Variants in FANCM observed in about 807,000 individuals in gnomAD.
The protein encoded by FANCM is Fanconi anemia group M protein.
In FANCM, 140 loss-of-function variants were observed where a neutral mutation model predicts 199.5. The ratio of observed to expected loss-of-function variants is 0.70; its 90% CI spans 0.61 to 0.81. FANCM has a LOEUF of 0.81. FANCM is among the 30% of genes least tolerant of loss of function. The probability of loss-of-function intolerance (pLI) is 0.00; values close to 1 mark genes in which losing one functional copy is unlikely to be tolerated. For missense variants in FANCM, 2,410 were observed against 2,421.4 expected (o/e 1.00, Z 0.10); for synonymous variants, 840 against 836.8 (o/e 1.00, Z -0.07).
chr14:45,173,147 C>A lies in FANCM; in HGVS notation c.2253C>A (p.His751Gln). The A allele has an allele frequency of 6.2e-7, 1 of 1,613,368 alleles. No homozygotes were observed. Among genetic ancestry groups the A allele is most frequent in the Non-Finnish European group, 8.5e-7 (1 of 1,179,384 alleles). Residue 751 changes from histidine (H) to glutamine (Q), a missense_variant, in exon 13 of 23, where the codon CAC (histidine) becomes CAA (glutamine). By Grantham distance (24) the His-to-Gln change is conservative. Transcript: ENST00000267430. ...CTTTGCCTACACATCAAGTTGATCA[C>A]TCAGATCGATGCCGCCATTTTATAG... The part of the protein sequence containing the change: ...DHPLPTHQVD[H>Q]SDRCRHFIGL...
At chr14:45,184,414 C>A (rs1478763904) in intron 17 of FANCM, among the ~76,000 whole-genome samples, 8 of 152,134 alleles carry the variant, frequency 5.3e-5, no homozygotes, top group Admixed American at 5.2e-4. Context: ...GTAATCCCAG[C>A]ACTTTGGGAG....
chr14:45,181,655 G>T lies in FANCM; in HGVS notation c.4336G>T (p.Val1446Phe), dbSNP rs753432761. The T allele has an allele frequency of 6.2e-7, 1 of 1,611,544 alleles. No homozygotes were observed. The highest frequency in any genetic ancestry group is 1.3e-5 in the African/African-American group (1 of 74,842). The change falls in exon 16 of 23, where the codon GTT (valine) becomes TTT (phenylalanine). Residue 1446 changes from valine (V) to phenylalanine (F), a missense_variant. Transcript: ENST00000267430. ...ACTTTAGGATCAGAAAAATAGTGAA[G>T]TTGATTCTCCACTTCATGCTGTCAA... is the stretch of plus-strand genomic sequence containing the variant. ...NSPEDQKNSE[V>F]DSPLHAVKKR...
At chr14:45,160,847 A>G (rs1480479252) in intron 9 of FANCM, among the ~76,000 whole-genome samples, 1 of 152,104 alleles carries the variant, frequency 6.6e-6, no homozygotes, top group Non-Finnish European at 1.5e-5. Flanking sequence ...TATTCTTTAA[A>G]TACCTTTTAT....
Position 45,175,454 on chromosome 14 carries a change from A to C in FANCM, c.2700A>C (p.Thr900=). The C allele has an allele frequency of 6.2e-7, 1 of 1,606,294 alleles. No homozygotes were observed. The highest frequency in any genetic ancestry group is 8.5e-7 in the Non-Finnish European group (1 of 1,176,390). Residue 900 remains threonine, a synonymous_variant, in exon 14 of 23, where the codon ACA becomes ACC. Transcript: ENST00000267430. ...AAGACCTACCAAATGATAAAAGGAC[A>C]TCAGATACAGATGAAATTGCTGCCA... ...FQEDLPNDKR[T]SDTDEIAATC... is the part of the protein sequence containing the mutation.
chr14:45,142,305 T>C (rs891043151), intron 3 of FANCM, among the ~76,000 whole-genome samples: 1 of 151,390 alleles, frequency 6.6e-6, no homozygotes, highest in Non-Finnish European at 1.5e-5. Context: ...GTTCCTCTTT[T>C]TTCTTTTTTT....
intron 3 of FANCM, among the ~76,000 whole-genome samples, chr14:45,143,365 C>T (rs1438722956): frequency 6.6e-6 from 1 of 151,930 alleles, no homozygotes; most frequent in Non-Finnish European, 1.5e-5. Flanking sequence ...CAGGGTCTCC[C>T]ATTGTTGCCC....
intron 18 of FANCM, among the ~76,000 whole-genome samples, chr14:45,186,565 GAA>G (rs895748335): frequency 2.0e-4 from 31 of 152,260 alleles, no homozygotes; most frequent in Non-Finnish European, 3.7e-4. Context: ...TGACTTTTAA[GAA>G]AAAAGTGTTT....
intron 3 of FANCM, among the ~76,000 whole-genome samples, chr14:45,144,745 C>G (rs937316053): frequency 1.3e-5 from 2 of 152,182 alleles, no homozygotes; most frequent in African/African-American, 4.8e-5. Context: ...AAGTGGGTTC[C>G]CCTCTGGCCT....
chr14:45,178,636 T>C (rs1888863733), intron 14 of FANCM, among the ~76,000 whole-genome samples: 1 of 152,218 alleles, frequency 6.6e-6, no homozygotes, highest in African/African-American at 2.4e-5. Context: ...CATTTAACTT[T>C]GGCTTCCTTA....
In FANCM at chr14:45,175,588, G is replaced by A. The variant is rs1193165722; in HGVS notation, c.2834G>A (p.Gly945Asp). 13 of 1,613,414 alleles carry A rather than the reference G, an allele frequency of 8.1e-6. No homozygotes were observed. Among genetic ancestry groups the A allele is most frequent in the South Asian group, 1.1e-5 (1 of 91,068 alleles). The change falls in exon 14 of 23, where the codon GGT becomes GAT. Residue 945 changes from glycine (G) to aspartate (D), a missense_variant. Gly to Asp is a moderately conservative substitution (Grantham distance 94). Coordinates refer to ENST00000267430, the MANE Select transcript of FANCM (RefSeq NM_020937.4). ...SSLAGNVLDS[G>D]YNSFNDEKSV... ...CTTGCTGGAAATGTTTTAGATTCTG[G>A]TTATAACAGTTTCAATGATGAAAAA... is the stretch of plus-strand genomic sequence containing the variant.
At chr14:45,142,905 G>T (rs956047602) in intron 3 of FANCM, among the ~76,000 whole-genome samples, 2 of 152,000 alleles carry the variant, frequency 1.3e-5, no homozygotes, top group Non-Finnish European at 2.9e-5. Flanking sequence ...ATTAATAACT[G>T]TCTTGTGGGG....
Position 45,158,182 on chromosome 14 carries a change from A to G in FANCM, c.1397-914A>G, listed in dbSNP as rs138038374. On this transcript the variant is annotated intron_variant, in intron 8 of 22. Coordinates refer to ENST00000267430, the MANE Select transcript of FANCM (RefSeq NM_020937.4). ...CACTGCATTCCAGCCTAGGTGACCA[A>G]ACATGACCCTGTCTCAAAAATAAAA... 5.0e-3 allele frequency among the ~76,000 whole-genome samples: 764 copies of G among 152,340 alleles called. 4 individuals are homozygous for G. The highest frequency in any genetic ancestry group is 8.6e-3 in the Non-Finnish European group (586 of 68,032).
Position 45,198,816 on chromosome 14 carries a change from A to G in FANCM, c.5889A>G (p.Thr1963=), listed in dbSNP as rs190238227. 7.4e-6 allele frequency: 12 copies of G among 1,613,948 alleles called. No individual in the cohort carries two copies. In the African/African-American group the frequency reaches 1.5e-4, roughly 20 times the overall value. Residue 1963 remains threonine, a synonymous_variant, in exon 22 of 23, where the codon ACA becomes ACG. Coordinates refer to ENST00000267430, the MANE Select transcript of FANCM (RefSeq NM_020937.4). ...QRKNVGIHVP[T]VVNSNKSEAL... is the part of the protein sequence containing the mutation. ...AGAATGTTGGTATTCATGTTCCAAC[A>G]GTGGTGAATAGTAATAAAAGTGAGG... is the stretch of plus-strand genomic sequence containing the variant.
Position 45,154,681 on chromosome 14 carries a change from T to G in FANCM, c.1184-16T>G, listed in dbSNP as rs1355960500. 6.5e-7 allele frequency: 1 copy of G among 1,541,026 alleles called. No individual in the cohort carries two copies. Among genetic ancestry groups the G allele is most frequent in the African/African-American group, 1.4e-5 (1 of 73,646 alleles). On this transcript the variant is annotated splice_polypyrimidine_tract_variant and intron_variant, in intron 6 of 22. Transcript: ENST00000267430. Reference sequence around the variant, plus strand: ...TTATTATTATTTATTTGAAAACCTTTTCTTAATTTCTGAAGGGATGACACG... The same window carrying G: ...TTATTATTATTTATTTGAAAACCTTGTCTTAATTTCTGAAGGGATGACACG...
In FANCM at chr14:45,196,558, T is replaced by C. The variant is rs1200505457; in HGVS notation, c.5716+11T>C. ...ACAGAGAAAAAACAGGTTTGTATTT[T>C]TAAATATCTTTGTTTATAAGACTGT... is the stretch of plus-strand genomic sequence containing the variant. On this transcript the variant is annotated intron_variant, in intron 21 of 22. Coordinates refer to ENST00000267430, the MANE Select transcript of FANCM (RefSeq NM_020937.4). 8 of 1,610,974 alleles carry C rather than the reference T, an allele frequency of 5.0e-6. No homozygotes were observed. The highest frequency in any genetic ancestry group is 1.3e-5 in the African/African-American group (1 of 75,040).
At chr14:45,145,448 TCTC>T (rs1334938168) in intron 3 of FANCM, among the ~76,000 whole-genome samples, 3 of 152,034 alleles carry the variant, frequency 2.0e-5, no homozygotes, top group Non-Finnish European at 2.9e-5. Flanking sequence ...TGGTCTAAAT[TCTC>T]CTTCTGTGGT....
At chr14:45,141,287 CAAAAAAAAAAA>C (rs534567010) in intron 3 of FANCM, among the ~76,000 whole-genome samples, 4 of 45,058 alleles carry the variant, frequency 8.9e-5, no homozygotes, top group Admixed American at 2.3e-4. Flanking sequence ...GGCTCCGTCT[CAAAAAAAAAAA>C]AAAAAAAAAA....
intron 5 of FANCM, among the ~76,000 whole-genome samples, chr14:45,152,104 C>T (rs1451833043): frequency 6.6e-6 from 1 of 151,232 alleles, no homozygotes; most frequent in African/African-American, 2.4e-5. Context: ...CCTTGGCTCA[C>T]TGTAACCTCT....
intron 5 of FANCM, 147 bp downstream of exon 5, chr14:45,151,675 AACAGTT>A: frequency 1.3e-6 from 1 of 765,076 alleles, no homozygotes; most frequent in Non-Finnish European, 2.2e-6. Flanking sequence ...CTGTAATCCT[AACAGTT>A]TGGGAGGCCA....
Sources: allele counts gnomAD v4.1 joint callset (sites outside exome capture counted in the v4.1 genomes callset), GRCh38; gene constraint gnomAD v4.1.1; transcripts MANE v1.5; gene names NCBI Gene and HGNC (gene_info 2026-07-23, HGNC 2026-07-21).